Variants in EPM2A observed in about 807,000 individuals in gnomAD.
EPM2A encodes the protein EPM2A glucan phosphatase, laforin.
Under a neutral mutation model 26.5 loss-of-function variants are expected in EPM2A, and 21 were observed. That is an observed-to-expected ratio of 0.79 (90% CI 0.56 to 1.14). EPM2A has a LOEUF of 1.14. EPM2A is among the 50% of genes most tolerant of loss of function. The pLI, the probability that EPM2A is intolerant of heterozygous loss-of-function variation, is 0.00. For missense variants in EPM2A, 458 were observed against 440.8 expected (o/e 1.04, Z -0.35); for synonymous variants, 217 against 177.6 (o/e 1.22, Z -1.76).
At chr6:145,534,992 TA>T (rs1261343045) in intron 2 of EPM2A, among the ~76,000 whole-genome samples, 1 of 152,238 alleles carries the variant, frequency 6.6e-6, no homozygotes, top group East Asian at 1.9e-4. Context: ...ATTGTGTCAT[TA>T]TCAGCCACTT....
intron 1 of EPM2A, among the ~76,000 whole-genome samples, chr6:145,697,517 G>A (rs895983709): frequency 2.0e-5 from 3 of 152,094 alleles, no homozygotes; most frequent in East Asian, 3.9e-4. Flanking sequence ...TTTATTAGGC[G>A]GGAATTTCCT....
intron 4 of EPM2A, among the ~76,000 whole-genome samples, chr6:145,466,267 A>T (rs1779391570): frequency 6.6e-6 from 1 of 151,740 alleles, no homozygotes; most frequent in Admixed American, 6.6e-5. Flanking sequence ...AATATCCAGA[A>T]TCTACAATGA....
At chr6:145,733,363 C>G (rs993391785) in intron 1 of EPM2A, among the ~76,000 whole-genome samples, 12 of 152,004 alleles carry the variant, frequency 7.9e-5, no homozygotes, top group African/African-American at 2.4e-4. Flanking sequence ...CCTCATATTT[C>G]ATAACAAGTG....
At chr6:145,587,600 G>A (rs1781215510) in intron 2 of EPM2A, among the ~76,000 whole-genome samples, 1 of 152,204 alleles carries the variant, frequency 6.6e-6, no homozygotes, top group South Asian at 2.1e-4. Context: ...ACAGCAAATT[G>A]AGGACAGAAG....
chr6:145,430,805 T>C (rs1778911407), intron 4 of EPM2A, among the ~76,000 whole-genome samples: 1 of 152,204 alleles, frequency 6.6e-6, no homozygotes, highest in Admixed American at 6.5e-5. Flanking sequence ...TACTTTCAGA[T>C]TAATTGATAC....
At chr6:145,448,359 A>G (rs1195511031) in intron 4 of EPM2A, among the ~76,000 whole-genome samples, 3 of 152,086 alleles carry the variant, frequency 2.0e-5, no homozygotes, top group Non-Finnish European at 4.4e-5. Flanking sequence ...TGGAGACTAC[A>G]CTGGGAAAAA....
intron 4 of EPM2A, among the ~76,000 whole-genome samples, chr6:145,442,671 T>C (rs1220972565): frequency 1.3e-5 from 2 of 152,048 alleles, no homozygotes; most frequent in East Asian, 1.9e-4. Context: ...ACCATATCAG[T>C]AGTCCTTTCC....
chr6:145,442,020 A>G (rs1174782301), intron 4 of EPM2A, among the ~76,000 whole-genome samples: 2 of 152,228 alleles, frequency 1.3e-5, no homozygotes, highest in African/African-American at 4.8e-5. Context: ...GGGCAGGGGC[A>G]AAATGCCACC....
intron 2 of EPM2A, among the ~76,000 whole-genome samples, chr6:145,569,562 G>A (rs887534297): frequency 5.3e-5 from 8 of 152,182 alleles, no homozygotes; most frequent in African/African-American, 1.9e-4. Flanking sequence ...AAGGCAAAGC[G>A]ATCTCATTTG....
intron 4 of EPM2A, among the ~76,000 whole-genome samples, chr6:145,464,070 G>T (rs553933305): frequency 4.6e-5 from 7 of 151,980 alleles, no homozygotes; most frequent in Non-Finnish European, 1.0e-4. Context: ...CTCACCTGCT[G>T]CCATGTAAGA....
chr6:145,485,522 G>A lies in EPM2A; in HGVS notation c.555+17000C>T, dbSNP rs139352308. 5.3e-5 allele frequency among the ~76,000 whole-genome samples: 8 copies of A among 152,132 alleles called. No individual in the cohort carries two copies. The East Asian group carries it at 1.2e-3, about 22-fold the overall frequency. On this transcript the variant is annotated intron_variant, in intron 4 of 4. Transcript: ENST00000638717. ...GAGAGAAGTGAATGAACTACAAACCGCAGGGAAGGAAGCAAACAGGGTTGA... is the reference window on the plus strand; with the variant it reads ...GAGAGAAGTGAATGAACTACAAACCACAGGGAAGGAAGCAAACAGGGTTGA...
At chr6:145,632,117 T>C (rs987119055) in intron 3 of EPM2A, 8 of 152,178 alleles carry the variant, frequency 5.3e-5, no homozygotes, top group African/African-American at 1.9e-4. Context: ...TATAGTCCTG[T>C]AAGGTGGAAA....
At chr6:145,622,038 TC>T (rs1191535579), downstream of EPM2A, among the ~76,000 whole-genome samples, 3 of 152,178 alleles carry the variant, frequency 2.0e-5, no homozygotes, top group Non-Finnish European at 4.4e-5. Flanking sequence ...AAGAAGTTCT[TC>T]CACTATATTT....
chr6:145,425,740 G>A (rs1778847031), intron 4 of EPM2A, among the ~76,000 whole-genome samples: 1 of 152,212 alleles, frequency 6.6e-6, no homozygotes, highest in South Asian at 2.1e-4. Flanking sequence ...TTCTTCTGAG[G>A]TACTTGCTCT....
intron 1 of EPM2A, among the ~76,000 whole-genome samples, chr6:145,698,750 CA>C (rs1157095035): frequency 6.6e-6 from 1 of 152,098 alleles, no homozygotes; most frequent in African/African-American, 2.4e-5. Flanking sequence ...CCTGACCTCC[CA>C]ATGTGATTAT....
At chr6:145,532,784 T>C (rs1357828556) in intron 2 of EPM2A, among the ~76,000 whole-genome samples, 4 of 152,244 alleles carry the variant, frequency 2.6e-5, no homozygotes, top group African/African-American at 7.2e-5. Flanking sequence ...ATCTGTCTGA[T>C]GTCCCTTCCA....
chr6:145,659,551 T>C (rs1778537321), intron 2 of EPM2A, among the ~76,000 whole-genome samples: 1 of 152,176 alleles, frequency 6.6e-6, no homozygotes, highest in African/African-American at 2.4e-5. Context: ...AATTAAATAT[T>C]AACTAAATTT....
chr6:145,627,275 C>T lies in EPM2A; in HGVS notation c.*141G>A. On this transcript the variant is annotated 3_prime_UTR_variant, in exon 4 of 4. Coordinates refer to ENST00000367519, the MANE Select transcript of EPM2A (RefSeq NM_005670.4). ...CCCAAAACAAAGCATAATCGAAAGT[C>T]ATCCCAGGTGAAAGTGGTTGGCTTG... is the stretch of plus-strand genomic sequence containing the variant. 6.4e-7 allele frequency: 1 copy of T among 1,556,068 alleles called. No individual in the cohort carries two copies. The highest frequency in any genetic ancestry group is 1.9e-5 in the Admixed American group (1 of 51,726).
At chr6:145,511,707 A>G (rs1240513092) in intron 2 of EPM2A, among the ~76,000 whole-genome samples, 1 of 152,246 alleles carries the variant, frequency 6.6e-6, no homozygotes, top group Non-Finnish European at 1.5e-5. Context: ...GAGATGAGAC[A>G]AAGATGTCCA....
Sources: allele counts gnomAD v4.1 joint callset (sites outside exome capture counted in the v4.1 genomes callset), GRCh38; gene constraint gnomAD v4.1.1; transcripts MANE v1.5; gene names NCBI Gene and HGNC (gene_info 2026-07-23, HGNC 2026-07-21).